Variants in VPS13B observed in about 807,000 individuals in gnomAD.
The protein encoded by VPS13B is vacuolar protein sorting 13 homolog B.
VPS13B carries 285 observed loss-of-function variants against 426.4 expected under a neutral mutation model. That is an observed-to-expected ratio of 0.67 (90% CI 0.61 to 0.74). VPS13B has a LOEUF of 0.74. VPS13B is among the 30% of genes least tolerant of loss of function. The pLI is 0.00. For missense variants in VPS13B, 4,537 were observed against 4,782.6 expected, an observed-to-expected ratio of 0.95 and a Z score of 1.51; for synonymous variants, 1,676 against 1,676.4, an observed-to-expected ratio of 1.00 and a Z score of 0.01.
chr8:99,850,777 T>G (rs1816248633), intron 55 of VPS13B, among the ~76,000 whole-genome samples: 3 of 151,976 alleles, frequency 2.0e-5, no homozygotes, highest in African/African-American at 4.8e-5. Context: ...AGTACAAAAA[T>G]TAGCCAGGCT....
At position 99,370,605 on chromosome 8, in the gene VPS13B, CTTTTT is replaced by C. The variant is rs1047111709; in HGVS notation, c.2825-13585_2825-13581del. 4.7e-4 allele frequency among the ~76,000 whole-genome samples: 47 copies of C among 99,476 alleles called. 1 individual carries two copies. Among genetic ancestry groups the C allele is most frequent in the Admixed American group, 2.5e-4 (2 of 7,992 alleles). The allele number at this position is 99,476 out of a possible 152,430, so 65.3% of individuals were successfully genotyped here. A position where few individuals can be genotyped will look rare whatever the true frequency, so the allele number is the denominator to read the frequency against. ...ATGTCTACATATATTGAGTGAAGGG[CTTTTT>C]TTTTTTTTTTTTTTTTTGAGATGGA... On this transcript the variant is annotated intron_variant, in intron 19 of 61. Coordinates refer to ENST00000357162, the MANE Select transcript of VPS13B (RefSeq NM_152564.5).
chr8:99,054,812 G>A (rs1326684867), intron 3 of VPS13B, among the ~76,000 whole-genome samples: 1 of 152,100 alleles, frequency 6.6e-6, no homozygotes, highest in Non-Finnish European at 1.5e-5. Context: ...GGTGGTCCAA[G>A]CACTATTTGT....
intron 21 of VPS13B, among the ~76,000 whole-genome samples, chr8:99,392,893 C>T (rs1009507787): frequency 6.6e-5 from 10 of 151,872 alleles, no homozygotes; most frequent in Non-Finnish European, 1.3e-4. Context: ...TTTTGTATCA[C>T]AAAAAGATTA....
At chr8:99,640,355 C>A (rs1829307557) in intron 33 of VPS13B, among the ~76,000 whole-genome samples, 1 of 152,078 alleles carries the variant, frequency 6.6e-6, no homozygotes, top group African/African-American at 2.4e-5. Context: ...CGGTTCGCTG[C>A]AAACACCACC....
chr8:99,317,746 A>G (rs888546396), intron 19 of VPS13B, among the ~76,000 whole-genome samples: 2 of 152,132 alleles, frequency 1.3e-5, no homozygotes, highest in South Asian at 4.1e-4. Context: ...TGAACCATTC[A>G]GTTATTATTT....
intron 35 of VPS13B, among the ~76,000 whole-genome samples, chr8:99,687,706 A>C (rs1831477455): frequency 6.6e-6 from 1 of 152,062 alleles, no homozygotes; most frequent in South Asian, 2.1e-4. Flanking sequence ...ACCCTTGCGG[A>C]GATGGAATAG....
chr8:99,127,113 AAAAG>A (rs1848218318), intron 8 of VPS13B, among the ~76,000 whole-genome samples: 1 of 152,038 alleles, frequency 6.6e-6, no homozygotes, highest in South Asian at 2.1e-4. Context: ...AGAAAAAAAA[AAAAG>A]AAAGAAAAGA....
chr8:99,192,849 T>A, intron 16 of VPS13B, 27 bp from the exon 17 acceptor site: 1 of 1,610,862 alleles, frequency 6.2e-7, no homozygotes, highest in Non-Finnish European at 8.5e-7. Flanking sequence ...TTTACTGTAT[T>A]GCGATTCTTT....
intron 19 of VPS13B, among the ~76,000 whole-genome samples, chr8:99,370,645 T>C (rs889861847): frequency 6.9e-6 from 1 of 144,618 alleles, no homozygotes; most frequent in Non-Finnish European, 1.5e-5. Context: ...AGTCTCACTC[T>C]GTCACCCAGG....
chr8:99,442,515 A>G lies in VPS13B; in HGVS notation c.3325A>G (p.Ser1109Gly), dbSNP rs770136385. ...TVRSWYHGQT[S>G]MPGTLVLCLP... ...AAGAAGTTGGTACCATGGACAAACCAGCATGCCGGGAACACTTGTCCTCTG... is the reference window on the plus strand; with the variant it reads ...AAGAAGTTGGTACCATGGACAAACCGGCATGCCGGGAACACTTGTCCTCTG... Residue 1109 changes from serine (S) to glycine (G), a missense_variant, in exon 23 of 62, where the codon AGC (serine) becomes GGC (glycine). Ser to Gly is a moderately conservative substitution (Grantham distance 56, BLOSUM62 0). Around this residue, in one of 2 missense-constraint regions of VPS13B, gnomAD observed 4,311 missense variants for 4,474.3 expected, o/e 0.96. Coordinates refer to ENST00000357162, the MANE Select transcript of VPS13B (RefSeq NM_152564.5). The G allele has an allele frequency of 6.2e-7, 1 of 1,614,040 alleles. No individual in the cohort carries two copies. Among genetic ancestry groups the G allele is most frequent in the Admixed American group, 1.7e-5 (1 of 60,002 alleles).
chr8:99,348,756 T>G (rs534909517), intron 19 of VPS13B, among the ~76,000 whole-genome samples: 14 of 152,288 alleles, frequency 9.2e-5, no homozygotes, highest in Non-Finnish European at 1.8e-4. Context: ...TAATTTATAG[T>G]GTTTTGTTCT....
chr8:99,107,152 G>A (rs1226782374), intron 5 of VPS13B, among the ~76,000 whole-genome samples: 3 of 152,080 alleles, frequency 2.0e-5, no homozygotes, highest in African/African-American at 7.2e-5. Flanking sequence ...AGTAATGCAC[G>A]AGGCTGTATT....
At chr8:99,261,589 A>G (rs956853983) in intron 17 of VPS13B, among the ~76,000 whole-genome samples, 3 of 152,168 alleles carry the variant, frequency 2.0e-5, no homozygotes, top group African/African-American at 4.8e-5. Context: ...AAAGAGTGTG[A>G]ATACTGAATG....
At chr8:99,680,133 A>T (rs1481529660) in intron 35 of VPS13B, among the ~76,000 whole-genome samples, 2 of 152,240 alleles carry the variant, frequency 1.3e-5, no homozygotes, top group African/African-American at 4.8e-5. Flanking sequence ...GTTTTCTTTC[A>T]TAAATGTTAT....
intron 25 of VPS13B, among the ~76,000 whole-genome samples, chr8:99,485,620 A>C (rs765081666): frequency 2.0e-5 from 3 of 152,200 alleles, no homozygotes; most frequent in Non-Finnish European, 2.9e-5. Flanking sequence ...TACTATAACT[A>C]TCCACAACAC....
intron 21 of VPS13B, among the ~76,000 whole-genome samples, chr8:99,419,439 AGTCATC>A (rs1370586510): frequency 1.2e-3 from 177 of 145,916 alleles, no homozygotes; most frequent in African/African-American, 4.2e-3. Flanking sequence ...TATTTTTCAT[AGTCATC>A]TTCTCTGTCT....
In VPS13B at chr8:99,560,732, C is replaced by T. The variant is rs578177330; in HGVS notation, c.4949+4079C>T. On this transcript the variant is annotated intron_variant, in intron 31 of 61. Coordinates refer to ENST00000357162, the MANE Select transcript of VPS13B (RefSeq NM_152564.5). Reference sequence around the variant, plus strand: ...TCATCATAAAGGAGAATCTTGGTGGCACACCACAGCATCAACTACACTAAT... The same window carrying T: ...TCATCATAAAGGAGAATCTTGGTGGTACACCACAGCATCAACTACACTAAT... Among the ~76,000 whole-genome samples, 14 of 152,270 alleles carry T rather than the reference C, an allele frequency of 9.2e-5. No homozygotes were observed. In the South Asian group the frequency reaches 2.7e-3, roughly 29 times the overall value.
At chr8:99,379,299 A>G (rs376157401) in intron 19 of VPS13B, among the ~76,000 whole-genome samples, 11 of 152,178 alleles carry the variant, frequency 7.2e-5, no homozygotes, top group Admixed American at 2.6e-4. Flanking sequence ...AGGCTCATCT[A>G]TCTCTCTTTC....
intron 3 of VPS13B, among the ~76,000 whole-genome samples, chr8:99,052,871 G>A (rs927946018): frequency 7.9e-5 from 12 of 152,072 alleles, no homozygotes; most frequent in African/African-American, 2.9e-4. Context: ...TGGGATTGGT[G>A]GTGATATCCC....
Sources: gnomAD v4.1 joint callset for allele counts (sites outside exome capture counted in the v4.1 genomes callset) on GRCh38, gnomAD v4.1.1 for gene constraint, gnomAD v4.1.1 regional missense constraint, MANE v1.5 for transcripts, NCBI Gene and HGNC (gene_info 2026-07-23, HGNC 2026-07-21) for gene names.